The following SSTR5 variants were observed in gnomAD, a reference collection of about 807,000 sequenced individuals.
SSTR5 encodes the protein somatostatin receptor 5.
In SSTR5, 1 loss-of-function variant was observed where a neutral mutation model predicts 0.3. The observed-to-expected ratio is 2.98, with a 90% CI of 1.06 to 14.15. The LOEUF (loss-of-function observed/expected upper bound fraction) is 14.15, where lower values mean the gene tolerates loss of function less well. SSTR5 is among the 30% of genes most tolerant of loss of function. SSTR5 has a pLI of 0.12. For missense variants in SSTR5, 516 were observed against 543.2 expected (o/e 0.95, Z 0.50); for synonymous variants, 256 against 263.1 (o/e 0.97, Z 0.26).
At chr16:1,075,451 A>T (rs1040598181) in intron 1 of SSTR5, among the ~76,000 whole-genome samples, 10 of 152,154 alleles carry the variant, frequency 6.6e-5, no homozygotes, top group Non-Finnish European at 1.5e-4. Context: ...AGCTCGGGCA[A>T]CAGAGCAAGA....
In SSTR5 at chr16:1,078,831, T is replaced by C. The variant is rs1266877598; in HGVS notation, c.-27-11T>C. On this transcript the variant is annotated splice_polypyrimidine_tract_variant and intron_variant, in intron 1 of 1. Transcript: ENST00000689027. ...CTCACCACCCTGGCGTCCTCCCTTC[T>C]TCTCTTGCAGAGCCTGACGCACCCC... 6.3e-7 allele frequency: 1 copy of C among 1,598,680 alleles called. No homozygotes were observed. The highest frequency in any genetic ancestry group is 8.5e-7 in the Non-Finnish European group (1 of 1,178,394).
rs559481259 is a variant in SSTR5 at position 1,073,163 on chromosome 16, G to A, written c.-28+341G>A. Reference sequence around the variant, plus strand: ...CAGATGGCCCCACTCTGCCCACCGCGCCGCTCCCGGCCTCTCCTCCCCACG... The same window carrying A: ...CAGATGGCCCCACTCTGCCCACCGCACCGCTCCCGGCCTCTCCTCCCCACG... On this transcript the variant is annotated intron_variant, in intron 1 of 1. Transcript: ENST00000689027. 5.5e-3 allele frequency: 837 copies of A among 152,472 alleles called. 4 individuals carry two copies. Among genetic ancestry groups the A allele is most frequent in the Admixed American group, 0.012 (191 of 15,304 alleles). 9.4% of individuals were successfully genotyped at this position (152,472 alleles called of 1,614,324 possible).
chr16:1,076,828 C>T (rs756684033), intron 1 of SSTR5, among the ~76,000 whole-genome samples: 13 of 152,088 alleles, frequency 8.5e-5, no homozygotes, highest in South Asian at 6.2e-4. Flanking sequence ...AAATGTATTT[C>T]CTAACATTTT....
intron 1 of SSTR5, among the ~76,000 whole-genome samples, chr16:1,075,256 CAG>C (rs1277898334): frequency 6.6e-6 from 1 of 152,182 alleles, no homozygotes; most frequent in Non-Finnish European, 1.5e-5. Flanking sequence ...CTGGGGGCCG[CAG>C]AGCCGGGGAC....
Position 1,079,346 on chromosome 16 carries a change from A to G in SSTR5, c.478A>G (p.Ser160Gly), listed in dbSNP as rs1377984289. The stretch of plus-strand genomic sequence containing the variant: ...CCGCCCGCGTGTGGCCAAGCTGGCG[A>G]GCGCCGCGGCCTGGGTCCTGTCTCT... ...WRRPRVAKLASAAAWVLSLCM... is the reference protein window; with the variant it reads ...WRRPRVAKLAGAAAWVLSLCM... Residue 160 changes from serine (S) to glycine (G), a missense_variant, in exon 2 of 2, where the codon AGC (serine) becomes GGC (glycine). Transcript: ENST00000689027. 2 of 1,603,492 alleles carry G rather than the reference A, an allele frequency of 1.2e-6. No homozygotes were observed.
In SSTR5 at chr16:1,081,218, G is replaced by A. The variant is rs1346540065; in HGVS notation, c.*1255G>A. On this transcript the variant is annotated 3_prime_UTR_variant, in exon 2 of 2. Coordinates refer to ENST00000689027, the MANE Select transcript of SSTR5 (RefSeq NM_001172560.3). ...GCTGGAAGGAGAAGGACCAGGGTGC[G>A]GCATCACTCGGCCTCAGGGACCCCT... The A allele has an allele frequency of 1.1e-5, 5 of 439,986 alleles. No homozygotes were observed. The highest frequency in any genetic ancestry group is 1.4e-4 in the East Asian group (2 of 13,932). 27.3% of individuals were successfully genotyped at this position (439,986 alleles called of 1,614,324 possible).
chr16:1,075,830 A>G (rs1960180390), intron 1 of SSTR5, among the ~76,000 whole-genome samples: 1 of 147,250 alleles, frequency 6.8e-6, no homozygotes, highest in Non-Finnish European at 1.5e-5. Flanking sequence ...GCGGAGAGCC[A>G]CAGGCCTCTT....
Position 1,078,507 on chromosome 16 carries a change from GGGA to G in SSTR5, c.-27-333_-27-331del. The stretch of plus-strand genomic sequence containing the variant: ...GCAGGGCAGGCTCTGAGGGGCTTCA[GGGA>G]GACGCAGGTGCTGGCCTCAGACTCC... On this transcript the variant is annotated intron_variant, in intron 1 of 1. Transcript: ENST00000689027. The G allele has an allele frequency of 8.5e-6, 3 of 354,674 alleles. No individual in the cohort carries two copies. In the Admixed American group the frequency reaches 1.3e-4, roughly 15 times the overall value. The allele number at this position is 354,674 out of a possible 1,614,324, so 22.0% of individuals were successfully genotyped here. A position where few individuals can be genotyped will look rare whatever the true frequency, so the allele number is the denominator to read the frequency against.
chr16:1,079,768 C>A lies in SSTR5; in HGVS notation c.900C>A (p.Asn300Lys). Residue 300 changes from asparagine (N) to lysine (K), a missense_variant, in exon 2 of 2, where the codon AAC (asparagine) becomes AAA (lysine). By Grantham distance (94) the Asn-to-Lys change is moderately conservative. Transcript: ENST00000689027. ...TCTCCTACGCCAACAGCTGTGCCAA[C>A]CCCGTCCTCTACGGCTTCCTCTCTG... is the stretch of plus-strand genomic sequence containing the variant. ...VILSYANSCA[N>K]PVLYGFLSDN... 1 of 1,612,456 alleles carries A rather than the reference C, an allele frequency of 6.2e-7. No homozygotes were observed. Among genetic ancestry groups the A allele is most frequent in the Non-Finnish European group, 8.5e-7 (1 of 1,179,926 alleles).
rs532670169 is a variant in SSTR5 at position 1,079,987 on chromosome 16, C to A, written c.*24C>A. On this transcript the variant is annotated 3_prime_UTR_variant, in exon 2 of 2. Coordinates refer to ENST00000689027, the MANE Select transcript of SSTR5 (RefSeq NM_001172560.3). ...GAGAGTGCAGGCGGGGGGTGGGCGG[C>A]CCCGTGTCACCCCCAGGAGCGGAGG... 7 of 1,567,978 alleles carry A rather than the reference C, an allele frequency of 4.5e-6. No individual in the cohort carries two copies. The highest frequency in any genetic ancestry group is 6.0e-6 in the Non-Finnish European group (7 of 1,159,164).
chr16:1,078,773 A>G (rs1960269765), intron 1 of SSTR5, 69 bp from the exon 2 acceptor site: 3 of 1,463,252 alleles, frequency 2.1e-6, no homozygotes, highest in African/African-American at 1.4e-5. Flanking sequence ...GGGGCCCAGG[A>G]GGAAGGAATG....
intron 1 of SSTR5, among the ~76,000 whole-genome samples, chr16:1,073,391 C>T (rs1960128915): frequency 6.6e-6 from 1 of 152,222 alleles, no homozygotes; most frequent in Admixed American, 6.5e-5. Context: ...CAACTGGTGC[C>T]TGCGCGCAGC....
Position 1,079,039 on chromosome 16 carries a change from G to T in SSTR5, c.171G>T (p.Gly57=). The T allele has an allele frequency of 6.2e-7, 1 of 1,610,804 alleles. No individual in the cohort carries two copies. ...TGGTGTGTGCGGCCGGGCTGGGCGG[G>T]AACACGCTGGTCATCTACGTGGTGC... ...YLLVCAAGLG[G]NTLVIYVVLR... The change falls in exon 2 of 2, where the codon GGG becomes GGT. Residue 57 remains glycine, a synonymous_variant. Transcript: ENST00000689027.
chr16:1,079,588 G>C lies in SSTR5; in HGVS notation c.720G>C (p.Arg240=). The C allele has an allele frequency of 6.2e-7, 1 of 1,611,206 alleles. No homozygotes were observed. Among genetic ancestry groups the C allele is most frequent in the Non-Finnish European group, 8.5e-7 (1 of 1,178,882 alleles). Residue 240 remains arginine, a synonymous_variant, in exon 2 of 2, where the codon CGG becomes CGC. Coordinates refer to ENST00000689027, the MANE Select transcript of SSTR5 (RefSeq NM_001172560.3). ...GCGTGCGCGTGGGCTGCGTGCGGCGGCGCTCGGAGCGGAAGGTGACGCGCA... is the reference window on the plus strand; with the variant it reads ...GCGTGCGCGTGGGCTGCGTGCGGCGCCGCTCGGAGCGGAAGGTGACGCGCA... ...AAGVRVGCVR[R]RSERKVTRMV...
rs139806089 is a variant in SSTR5, at chr16:1,080,940, G to A, written c.*977G>A. The stretch of plus-strand genomic sequence containing the variant: ...GGGGCTCTGGCCCGGGAGAGGGAAC[G>A]GGGACAGGAGCAGAGGACGGTCATC... On this transcript the variant is annotated 3_prime_UTR_variant, in exon 2 of 2. Transcript: ENST00000689027. The A allele has an allele frequency of 1.2e-3, 491 of 425,310 alleles. 8 individuals are homozygous for A. The East Asian group carries it at 0.034, about 29-fold the overall frequency. 26.3% of individuals were successfully genotyped at this position (425,310 alleles called of 1,614,324 possible).
chr16:1,074,847 C>G (rs1286104743), intron 1 of SSTR5, among the ~76,000 whole-genome samples: 1 of 152,204 alleles, frequency 6.6e-6, no homozygotes, highest in Non-Finnish European at 1.5e-5. Context: ...GAAGCTCACT[C>G]AGTTTCATCA....
Position 1,079,928 on chromosome 16 carries a change from G to T in SSTR5, c.1060G>T (p.Ala354Ser). 1 of 1,604,522 alleles carries T rather than the reference G, an allele frequency of 6.2e-7. No homozygotes were observed. Residue 354 changes from alanine to serine, a missense_variant, in exon 2 of 2, where the codon GCA becomes TCA. Physicochemically the swap from Ala to Ser is moderately conservative, Grantham distance 99 (BLOSUM62 1). Coordinates refer to ENST00000689027, the MANE Select transcript of SSTR5 (RefSeq NM_001172560.3). ...GGCCACGCCACCCGCGCACCGCGCCGCAGCCAACGGGCTTATGCAGACCAG... is the reference window on the plus strand; with the variant it reads ...GGCCACGCCACCCGCGCACCGCGCCTCAGCCAACGGGCTTATGCAGACCAG... ...QEATPPAHRA[A>S]ANGLMQTSKL
intron 1 of SSTR5, among the ~76,000 whole-genome samples, chr16:1,074,966 C>T (rs556241462): frequency 1.6e-4 from 24 of 152,166 alleles, no homozygotes; most frequent in African/African-American, 3.1e-4. Flanking sequence ...GGTCAGGGGC[C>T]GGGGTCTCTC....
At chr16:1,078,705 G>A in intron 1 of SSTR5, 137 bp from the exon 2 acceptor site, 1 of 798,608 alleles carries the variant, frequency 1.3e-6, no homozygotes, top group Middle Eastern at 3.6e-4. Flanking sequence ...TCCCGGCCAA[G>A]CTAAACATGA....
Sources: gnomAD v4.1 joint callset for allele counts (sites outside exome capture counted in the v4.1 genomes callset) on GRCh38, gnomAD v4.1.1 for gene constraint, MANE v1.5 for transcripts, NCBI Gene and HGNC (gene_info 2026-07-23, HGNC 2026-07-21) for gene names.